SPAG9: variants seen among roughly 807,000 people sequenced by gnomAD.
SPAG9 encodes sperm associated antigen 9.
Under a neutral mutation model 166.5 loss-of-function variants are expected in SPAG9, and 35 were observed. The ratio of observed to expected loss-of-function variants is 0.21; its 90% CI spans 0.16 to 0.28. The LOEUF (loss-of-function observed/expected upper bound fraction) is 0.28, where lower values mean the gene tolerates loss of function less well. SPAG9 is among the 10% of genes least tolerant of loss of function. The pLI is 1.00. For missense variants in SPAG9, 1,235 were observed against 1,603.3 expected (o/e 0.77, Z 3.92); for synonymous variants, 534 against 565.5 (o/e 0.94, Z 0.79).
chr17:51,072,906 T>C (rs2047863220), intron 2 of SPAG9, among the ~76,000 whole-genome samples: 1 of 152,182 alleles, frequency 6.6e-6, no homozygotes, highest in African/African-American at 2.4e-5. Context: ...ATAAGAAGTT[T>C]TTAGGCTGTG....
intron 1 of SPAG9, among the ~76,000 whole-genome samples, chr17:51,087,166 CA>C (rs2048327195): frequency 6.6e-6 from 1 of 152,122 alleles, no homozygotes; most frequent in Non-Finnish European, 1.5e-5. Flanking sequence ...AGTTTTGGGC[CA>C]CTGTTTTGAG....
At chr17:51,103,614 T>C (rs2048864344) in intron 1 of SPAG9, among the ~76,000 whole-genome samples, 1 of 152,148 alleles carries the variant, frequency 6.6e-6, no homozygotes, top group African/African-American at 2.4e-5. Context: ...GGAACTTAAG[T>C]CATTTTCAAG....
At chr17:51,029,611 A>G (rs948644869) in intron 6 of SPAG9, among the ~76,000 whole-genome samples, 1 of 152,230 alleles carries the variant, frequency 6.6e-6, no homozygotes, top group African/African-American at 2.4e-5. Context: ...GTCACATGCT[A>G]TAACATGAAT....
Position 50,987,131 on chromosome 17 carries a change from G to A in SPAG9, c.2920C>T (p.Leu974Phe). The A allele has an allele frequency of 1.2e-6, 2 of 1,611,664 alleles. No individual in the cohort carries two copies. Among genetic ancestry groups the A allele is most frequent in the Non-Finnish European group, 1.7e-6 (2 of 1,179,162 alleles). Residue 974 changes from leucine to phenylalanine, a missense_variant, in exon 22 of 30, where the codon CTT becomes TTT. Transcript: ENST00000262013. ...KMSSLLPTMW[L>F]GAQNGCLYVH... ...ACCTACCAGCCATTTTGAGCTCCAA[G>A]CCACATAGTTGGTAAAAGACTACTC...
intron 1 of SPAG9, among the ~76,000 whole-genome samples, chr17:51,101,463 T>C (rs2048806461): frequency 6.8e-6 from 1 of 147,354 alleles, no homozygotes; most frequent in African/African-American, 2.5e-5. Context: ...TGGCAAAAAA[T>C]AAAAATAGAA....
At chr17:51,040,745 T>C (rs1333116421) in intron 5 of SPAG9, among the ~76,000 whole-genome samples, 1 of 152,186 alleles carries the variant, frequency 6.6e-6, no homozygotes, top group African/African-American at 2.4e-5. Flanking sequence ...ATAAGTATTA[T>C]GGAGAAAAAT....
At chr17:51,106,408 G>C (rs2048952121) in intron 1 of SPAG9, among the ~76,000 whole-genome samples, 1 of 152,080 alleles carries the variant, frequency 6.6e-6, no homozygotes, top group Admixed American at 6.6e-5. Flanking sequence ...TAATTAACTG[G>C]TTTGCTTATT....
chr17:51,115,206 T>G (rs2049249561), intron 1 of SPAG9, among the ~76,000 whole-genome samples: 2 of 152,116 alleles, frequency 1.3e-5, no homozygotes, highest in Non-Finnish European at 2.9e-5. Context: ...TGTTTTTTGG[T>G]AAGAAACAGG....
At chr17:51,082,815 T>C (rs2048203078) in intron 1 of SPAG9, among the ~76,000 whole-genome samples, 1 of 152,214 alleles carries the variant, frequency 6.6e-6, no homozygotes, top group Admixed American at 6.5e-5. Flanking sequence ...GTTTTTGTTT[T>C]TGTTTTTTTG....
At position 51,010,576 on chromosome 17, in the gene SPAG9, A is replaced by AT. The variant is rs1382405226; in HGVS notation, c.1214-3251_1214-3250insA. ...TAAGCAAGGCAAGAAAAGAAAAAAAAAAAAAAATATATATATATATATATA... is the reference window on the plus strand; with the variant it reads ...TAAGCAAGGCAAGAAAAGAAAAAAAATAAAAAAATATATATATATATATATA... On this transcript the variant is annotated intron_variant, in intron 9 of 29. Coordinates refer to ENST00000262013, the MANE Select transcript of SPAG9 (RefSeq NM_001130528.3). Among the ~76,000 whole-genome samples, 550 of 139,892 alleles carry AT rather than the reference A, an allele frequency of 3.9e-3. 1 individual carries two copies. Among genetic ancestry groups the AT allele is most frequent in the African/African-American group, 0.015 (523 of 35,900 alleles). The allele number at this position is 139,892 out of a possible 152,430, so 91.8% of individuals were successfully genotyped here.
intron 1 of SPAG9, among the ~76,000 whole-genome samples, chr17:51,106,522 C>A (rs542166126): frequency 6.6e-6 from 1 of 152,072 alleles, no homozygotes; most frequent in South Asian, 2.1e-4. Context: ...TTCTGCCAGG[C>A]GCGGTGGCTC....
intron 1 of SPAG9, among the ~76,000 whole-genome samples, chr17:51,113,671 C>A (rs1309437491): frequency 1.7e-5 from 2 of 119,548 alleles, no homozygotes; most frequent in Admixed American, 8.6e-5. Flanking sequence ...CAAAGCAAGA[C>A]CCCATCTCAA....
chr17:51,047,301 G>A, intron 4 of SPAG9, 74 bp downstream of exon 4: 1 of 872,860 alleles, frequency 1.1e-6, no homozygotes, highest in Non-Finnish European at 1.8e-6. Context: ...CAGGATTAAA[G>A]AACAGAGAAA....
At chr17:51,106,855 G>A (rs2048964751) in intron 1 of SPAG9, among the ~76,000 whole-genome samples, 1 of 151,766 alleles carries the variant, frequency 6.6e-6, no homozygotes, top group African/African-American at 2.4e-5. Flanking sequence ...TGTAATCCTA[G>A]CACTTTGGGA....
At chr17:51,064,951 G>C (rs997378202) in intron 2 of SPAG9, among the ~76,000 whole-genome samples, 1 of 151,926 alleles carries the variant, frequency 6.6e-6, no homozygotes, top group Non-Finnish European at 1.5e-5. Context: ...ATGAAACCCC[G>C]TCTCTACTAA....
chr17:50,990,778 GTAGT>G, intron 19 of SPAG9, 110 bp from the exon 20 acceptor site: 2 of 756,346 alleles, frequency 2.6e-6, no homozygotes, highest in Non-Finnish European at 4.4e-6. Flanking sequence ...AGATGTACAG[GTAGT>G]TGAATACAGG....
intron 27 of SPAG9, chr17:50,975,298 AT>A (rs1167652934): frequency 1.3e-5 from 3 of 231,434 alleles, no homozygotes; most frequent in South Asian, 6.6e-5. Context: ...AAAACTAACC[AT>A]TATACAGTTT....
chr17:51,023,958 G>A (rs999552396), intron 6 of SPAG9, among the ~76,000 whole-genome samples: 2 of 152,110 alleles, frequency 1.3e-5, no homozygotes, highest in African/African-American at 2.4e-5. Context: ...GAGCCATTGC[G>A]CCCAGCCGAT....
intron 2 of SPAG9, among the ~76,000 whole-genome samples, chr17:51,068,019 G>T (rs1290545568): frequency 2.6e-5 from 4 of 152,122 alleles, no homozygotes. Flanking sequence ...AGGCCTACGG[G>T]GGGAAGAAAG....
Sources: allele counts gnomAD v4.1 joint callset (sites outside exome capture counted in the v4.1 genomes callset), GRCh38; gene constraint gnomAD v4.1.1; transcripts MANE v1.5; gene names NCBI Gene and HGNC (gene_info 2026-07-23, HGNC 2026-07-21).